Variants in OR7A17 observed in about 807,000 individuals in gnomAD.
OR7A17 encodes olfactory receptor 7A17.
For synonymous variants in OR7A17, 159 were observed against 142.1 expected, an observed-to-expected ratio of 1.12 and a Z score of -0.85; for missense variants, 366 against 365.5, an observed-to-expected ratio of 1.00 and a Z score of -0.01.
chr19:14,885,836 C>A (rs918311213), intron 1 of OR7A17, 105 bp downstream of exon 1: 1 of 152,172 alleles, frequency 6.6e-6, no homozygotes, highest in African/African-American at 2.4e-5. Flanking sequence ...GCAAAAGGAA[C>A]AAAGCTGGAG....
rs150392863 is a variant in OR7A17, at chr19:14,881,106, T to C, written c.250A>G (p.Asn84Asp). The C allele has an allele frequency of 1.5e-5, 24 of 1,614,178 alleles. 1 individual carries two copies. The African/African-American group carries it at 3.1e-4, about 21-fold the overall frequency. ...ISTTIPKMLI[N>D]IQTQSRVITY... ...ATGACTCTGCTCTGTGTCTGGATGT[T>C]AATGAGCATCTTTGGGATTGTAGTG... The change falls in exon 3 of 3, where the codon AAC becomes GAC. Residue 84 changes from asparagine (N) to aspartate (D), a missense_variant. Physicochemically the swap from Asn to Asp is conservative, Grantham distance 23. Coordinates refer to ENST00000641113, the MANE Select transcript of OR7A17 (RefSeq NM_030901.2).
chr19:14,884,072 T>C (rs987834286), intron 1 of OR7A17, among the ~76,000 whole-genome samples: 3 of 152,066 alleles, frequency 2.0e-5, no homozygotes, highest in African/African-American at 7.2e-5. Flanking sequence ...ATGAAGTGTG[T>C]CTCCCGACTC....
chr19:14,882,127 G>A (rs13345907), intron 1 of OR7A17, among the ~76,000 whole-genome samples: 43,918 of 151,804 alleles, frequency 0.29, 6,872 homozygotes, highest in East Asian at 0.61. Context: ...CTGAGGGCAT[G>A]TATTCTACAG....
Position 14,880,161 on chromosome 19 carries a change from T to A in OR7A17, c.*265A>T, listed in dbSNP as rs3752196. The A allele has an allele frequency of 0.14, 33,211 of 244,988 alleles. 3,357 individuals are homozygous for A. Among genetic ancestry groups the A allele is most frequent in the African/African-American group, 0.27 (11,898 of 43,470 alleles). 15.2% of individuals were successfully genotyped at this position (244,988 alleles called of 1,614,324 possible). ...AGGAGAAAAATAGGAATCTCCACCT[T>A]GTTTCTGACCCTAGTTTGGGAAAAA... On this transcript the variant is annotated 3_prime_UTR_variant, in exon 3 of 3. Coordinates refer to ENST00000641113, the MANE Select transcript of OR7A17 (RefSeq NM_030901.2).
In OR7A17 at chr19:14,880,682, A is replaced by G. The variant is rs772092266; in HGVS notation, c.674T>C (p.Ile225Thr). The G allele has an allele frequency of 4.0e-5, 64 of 1,614,124 alleles. No individual in the cohort carries two copies. The highest frequency in any genetic ancestry group is 1.6e-4 in the Middle Eastern group (1 of 6,084). The change falls in exon 3 of 3, where the codon ATA becomes ACA. Residue 225 changes from isoleucine to threonine, a missense_variant. Transcript: ENST00000641113. ...LCSYSKIVSSIRAISSAQGKY... is the reference protein window; with the variant it reads ...LCSYSKIVSSTRAISSAQGKY... ...CCCCTGAGCTGATGAGATTGCACGT[A>G]TGGAGGAAACTATCTTAGAGTAAGA...
chr19:14,885,318 A>G (rs746196346), intron 1 of OR7A17, among the ~76,000 whole-genome samples: 1 of 152,176 alleles, frequency 6.6e-6, no homozygotes, highest in Non-Finnish European at 1.5e-5. Flanking sequence ...ATTCAAATAC[A>G]AAGAGAGGAA....
intron 2 of OR7A17, 38 bp downstream of exon 2, chr19:14,881,736 T>C (rs1171750420): frequency 6.5e-6 from 1 of 152,846 alleles, no homozygotes; most frequent in Non-Finnish European, 1.5e-5. Flanking sequence ...ATTTACATTG[T>C]GGATTGGCTA....
chr19:14,881,494 G>C lies in OR7A17; in HGVS notation c.-139C>G. 2.0e-6 allele frequency: 1 copy of C among 492,324 alleles called. No homozygotes were observed. The allele number at this position is 492,324 out of a possible 1,614,324, so 30.5% of individuals were successfully genotyped here. A position where few individuals can be genotyped will look rare whatever the true frequency, so the allele number is the denominator to read the frequency against. On this transcript the variant is annotated 5_prime_UTR_variant, in exon 3 of 3. Transcript: ENST00000641113. ...TCCTCCCACTTCAGCCTACAAAAGTGCTGAGATTATAGGCATAAGCCATTG... is the reference window on the plus strand; with the variant it reads ...TCCTCCCACTTCAGCCTACAAAAGTCCTGAGATTATAGGCATAAGCCATTG...
At position 14,881,263 on chromosome 19, in the gene OR7A17, A is replaced by G. The variant is rs756646980; in HGVS notation, c.93T>C (p.Phe31=). 2.5e-6 allele frequency: 4 copies of G among 1,613,928 alleles called. No homozygotes were observed. The highest frequency in any genetic ancestry group is 3.4e-6 in the Non-Finnish European group (4 of 1,179,902). ...PELQPFLFGL[F]LSMYLVTVLG... The stretch of plus-strand genomic sequence containing the variant: ...GCACAGTGACCAGGTACATGGACAG[A>G]AACAGCCCAAAGAGGAAGGGCTGCA... The change falls in exon 3 of 3, where the codon TTT becomes TTC. Residue 31 remains phenylalanine, a synonymous_variant. Coordinates refer to ENST00000641113, the MANE Select transcript of OR7A17 (RefSeq NM_030901.2).
In OR7A17 at chr19:14,880,017, G is replaced by C. The variant is rs565850703; in HGVS notation, c.*409C>G. On this transcript the variant is annotated 3_prime_UTR_variant, in exon 3 of 3. Transcript: ENST00000641113. ...ACACTTAAGGTGGTGGTGGAGAAAG[G>C]AATAAGCTCAAAGTGAAAAACTGTC... 1 of 153,732 alleles carries C rather than the reference G, an allele frequency of 6.5e-6. No individual in the cohort carries two copies. The highest frequency in any genetic ancestry group is 2.4e-5 in the African/African-American group (1 of 41,410). 9.5% of individuals were successfully genotyped at this position (153,732 alleles called of 1,614,324 possible).
chr19:14,885,492 G>C (rs193283388), intron 1 of OR7A17, among the ~76,000 whole-genome samples: 1 of 152,220 alleles, frequency 6.6e-6, no homozygotes, highest in Non-Finnish European at 1.5e-5. Flanking sequence ...AATAGACAGA[G>C]AGCCAAATCA....
At chr19:14,882,386 A>G (rs974627333) in intron 1 of OR7A17, among the ~76,000 whole-genome samples, 7 of 152,256 alleles carry the variant, frequency 4.6e-5, no homozygotes, top group East Asian at 1.9e-4. Flanking sequence ...AGAGAGCAGA[A>G]TGAAGACAGG....
In OR7A17 at chr19:14,880,746, C is replaced by T; in HGVS notation, c.610G>A (p.Gly204Arg). ...ACAAGGGGACCACCAGCCAGCAGCC[C>T]TGCTGCAAAATACATCCCCATGTCA... ...LNDMGMYFAA[G>R]LLAGGPLVGI... Residue 204 changes from glycine to arginine, a missense_variant, in exon 3 of 3, where the codon GGG (glycine) becomes AGG (arginine). Coordinates refer to ENST00000641113, the MANE Select transcript of OR7A17 (RefSeq NM_030901.2). The T allele has an allele frequency of 6.2e-7, 1 of 1,614,200 alleles. No homozygotes were observed. Among genetic ancestry groups the T allele is most frequent in the South Asian group, 1.1e-5 (1 of 91,086 alleles).
chr19:14,881,189 T>A lies in OR7A17; in HGVS notation c.167A>T (p.His56Leu). 1 of 1,611,142 alleles carries A rather than the reference T, an allele frequency of 6.2e-7. No individual in the cohort carries two copies. ...GGAGAGGAAGAAGTACATGGGGGTG[T>A]GGAGGTGGGAGTCTGAGATTGTGGC... is the stretch of plus-strand genomic sequence containing the variant. ...ILATISDSHL[H>L]TPMYFFLSNL... The change falls in exon 3 of 3, where the codon CAC becomes CTC. Residue 56 changes from histidine to leucine, a missense_variant. Physicochemically the swap from His to Leu is moderately conservative, Grantham distance 99 (BLOSUM62 -3). Coordinates refer to ENST00000641113, the MANE Select transcript of OR7A17 (RefSeq NM_030901.2).
chr19:14,880,376 A>G lies in OR7A17; in HGVS notation c.*50T>C, dbSNP rs751591034. The G allele has an allele frequency of 6.9e-7, 1 of 1,439,964 alleles. No homozygotes were observed. The highest frequency in any genetic ancestry group is 9.4e-7 in the Non-Finnish European group (1 of 1,063,682). 89.2% of individuals were successfully genotyped at this position (1,439,964 alleles called of 1,614,324 possible). ...GATTCGTGAATCACAATTTCTGAGT[A>G]TGAGACTTAAAGCTCTGAAATCACA... is the stretch of plus-strand genomic sequence containing the variant. On this transcript the variant is annotated 3_prime_UTR_variant, in exon 3 of 3. Coordinates refer to ENST00000641113, the MANE Select transcript of OR7A17 (RefSeq NM_030901.2).
In OR7A17 at chr19:14,882,702, G is replaced by A. The variant is rs568357065; in HGVS notation, c.-294-831C>T. Among the ~76,000 whole-genome samples the A allele has an allele frequency of 1.4e-4, 22 of 152,134 alleles. 1 individual carries two copies. In the South Asian group the frequency reaches 2.3e-3, roughly 16 times the overall value. On this transcript the variant is annotated intron_variant, in intron 1 of 2. Transcript: ENST00000641113. ...GTAATGCATCCCCTCTTTTTTTCCC[G>A]CCGTGTCTTTGACTTCTGGCTTTTC...
chr19:14,881,703 T>C (rs1265169853), intron 2 of OR7A17, 71 bp downstream of exon 2: 1 of 154,196 alleles, frequency 6.5e-6, no homozygotes, highest in Non-Finnish European at 1.4e-5. Flanking sequence ...ATTTATCATG[T>C]ATAACATCAC....
chr19:14,884,802 C>G (rs80180816), intron 1 of OR7A17: 4 of 152,100 alleles, frequency 2.6e-5, no homozygotes, highest in African/African-American at 7.2e-5. Context: ...GATACCAAAA[C>G]CTGGCAGAGA....
chr19:14,882,092 T>TCG (rs756667437), intron 1 of OR7A17, among the ~76,000 whole-genome samples: 1 of 151,862 alleles, frequency 6.6e-6, no homozygotes, highest in East Asian at 1.9e-4. Context: ...TCTCGCTCTC[T>TCG]CTCTCTCTCT....
Sources: allele counts gnomAD v4.1 joint callset (sites outside exome capture counted in the v4.1 genomes callset), GRCh38; gene constraint gnomAD v4.1.1; transcripts MANE v1.5; gene names NCBI Gene and HGNC (gene_info 2026-07-23, HGNC 2026-07-21).